The following ALDH1A3 variants were observed in gnomAD, a reference collection of about 807,000 sequenced individuals.
ALDH1A3 encodes the protein retinaldehyde dehydrogenase 3.
In ALDH1A3, 28 loss-of-function variants were observed where a neutral mutation model predicts 57.5. That is an observed-to-expected ratio of 0.49 (90% CI 0.36 to 0.67). The LOEUF is 0.67. ALDH1A3 is among the 30% of genes least tolerant of loss of function. ALDH1A3 has a pLI of 0.00. For synonymous variants in ALDH1A3, 281 were observed against 264.8 expected, an observed-to-expected ratio of 1.06 and a Z score of -0.59; for missense variants, 507 against 669.4, an observed-to-expected ratio of 0.76 and a Z score of 2.68.
At chr15:100,898,341 C>A (rs1021114542) in intron 8 of ALDH1A3, among the ~76,000 whole-genome samples, 156 bp downstream of exon 8, 11 of 152,250 alleles carry the variant, frequency 7.2e-5, no homozygotes, top group African/African-American at 2.2e-4. Flanking sequence ...AGTCAGCCAG[C>A]CGCAGACAGG....
chr15:100,890,528 A>G (rs2041638245), intron 3 of ALDH1A3, among the ~76,000 whole-genome samples: 1 of 152,222 alleles, frequency 6.6e-6, no homozygotes, highest in Non-Finnish European at 1.5e-5. Context: ...GCTGAAGTTG[A>G]CAATAAAAAC....
intron 7 of ALDH1A3, 89 bp from the exon 8 acceptor site, chr15:100,897,994 G>T (rs567451254): frequency 8.5e-6 from 11 of 1,291,158 alleles, no homozygotes; most frequent in East Asian, 4.7e-5. Flanking sequence ...ACTGCCACCC[G>T]GGCTTGATCA....
At position 100,887,590 on chromosome 15, in the gene ALDH1A3, G is replaced by A; in HGVS notation, c.223G>A (p.Val75Met). The part of the protein sequence containing the change: ...EGDKPDVDKA[V>M]EAAQVAFQRG... ...CGCTCAGCCCGACGTGGACAAGGCTGTGGAGGCTGCACAGGTTGCCTTCCA... is the reference window on the plus strand; with the variant it reads ...CGCTCAGCCCGACGTGGACAAGGCTATGGAGGCTGCACAGGTTGCCTTCCA... The change falls in exon 3 of 13, where the codon GTG (valine) becomes ATG (methionine). Residue 75 changes from valine (V) to methionine (M), a missense_variant. Physicochemically the swap from Val to Met is conservative, Grantham distance 21. Coordinates refer to ENST00000329841, the MANE Select transcript of ALDH1A3 (RefSeq NM_000693.4). The surrounding 1 kb of genome is among the most constrained non-coding windows in gnomAD (Gnocchi z 4.6). 1 of 1,608,350 alleles carries A rather than the reference G, an allele frequency of 6.2e-7. No homozygotes were observed. Among genetic ancestry groups the A allele is most frequent in the Non-Finnish European group, 8.5e-7 (1 of 1,176,836 alleles).
chr15:100,886,324 T>C (rs969657327), intron 2 of ALDH1A3, among the ~76,000 whole-genome samples: 4 of 152,200 alleles, frequency 2.6e-5, no homozygotes, highest in African/African-American at 9.6e-5. Flanking sequence ...TGACATGGAA[T>C]GGGGTTTCCA....
intron 2 of ALDH1A3, 79 bp downstream of exon 2, chr15:100,885,450 A>G (rs1023903385): frequency 1.1e-5 from 12 of 1,128,568 alleles, no homozygotes; most frequent in Admixed American, 1.9e-5. Context: ...CGGCTTAGCT[A>G]TAAGACAGAA....
chr15:100,890,215 C>G (rs2041636059), intron 3 of ALDH1A3, among the ~76,000 whole-genome samples: 1 of 152,214 alleles, frequency 6.6e-6, no homozygotes, highest in Non-Finnish European at 1.5e-5. Context: ...TTTCCTGGCA[C>G]TTCCCGTCAT....
chr15:100,911,638 G>T (rs905146036), intron 12 of ALDH1A3, among the ~76,000 whole-genome samples: 1 of 152,218 alleles, frequency 6.6e-6, no homozygotes, highest in Non-Finnish European at 1.5e-5. Context: ...ATTCTGGTGA[G>T]GTTTAACAGG....
Position 100,898,150 on chromosome 15 carries a change from G to T in ALDH1A3, c.848G>T (p.Gly283Val). Residue 283 changes from glycine (G) to valine (V), a missense_variant, in exon 8 of 13, where the codon GGG becomes GTG. By Grantham distance (109) the Gly-to-Val change is moderately radical. Around this residue, in one of 2 missense-constraint regions of ALDH1A3, gnomAD observed 432 missense variants for 608.4 expected, o/e 0.71. Coordinates refer to ENST00000329841, the MANE Select transcript of ALDH1A3 (RefSeq NM_000693.4). ...NLKRVTLELG[G>V]KNPCIVCADA... is the part of the protein sequence containing the mutation. Reference sequence around the variant, plus strand: ...AAGCGGGTGACGCTGGAGCTGGGGGGGAAGAACCCCTGCATCGTGTGTGCG... The same window carrying T: ...AAGCGGGTGACGCTGGAGCTGGGGGTGAAGAACCCCTGCATCGTGTGTGCG... 1.9e-6 allele frequency: 3 copies of T among 1,614,128 alleles called. No homozygotes were observed. The highest frequency in any genetic ancestry group is 1.7e-6 in the Non-Finnish European group (2 of 1,179,984).
rs1375594080 is a variant in ALDH1A3 at position 100,887,635 on chromosome 15, C to T, written c.268C>T (p.Arg90Trp). Reference protein sequence around the residue: ...VAFQRGSPWRRLDALSRGRLL... With the variant: ...VAFQRGSPWRWLDALSRGRLL... ...CTTCCAGAGGGGCTCGCCATGGCGC[C>T]GGCTGGATGCCCTGAGTCGTGGGCG... is the stretch of plus-strand genomic sequence containing the variant. Residue 90 changes from arginine (R) to tryptophan (W), a missense_variant, in exon 3 of 13, where the codon CGG becomes TGG. Arg to Trp is a moderately radical substitution (Grantham distance 101). Around this residue, in one of 2 missense-constraint regions of ALDH1A3, gnomAD observed 432 missense variants for 608.4 expected, o/e 0.71. Coordinates refer to ENST00000329841, the MANE Select transcript of ALDH1A3 (RefSeq NM_000693.4). This position sits in a 1 kb window ranked among gnomAD's most constrained non-coding sequence, Gnocchi z 4.6. 3 of 1,612,034 alleles carry T rather than the reference C, an allele frequency of 1.9e-6. No homozygotes were observed. The highest frequency in any genetic ancestry group is 1.1e-5 in the South Asian group (1 of 90,630).
At chr15:100,897,416 C>G (rs934313237) in intron 7 of ALDH1A3, among the ~76,000 whole-genome samples, 1 of 152,256 alleles carries the variant, frequency 6.6e-6, no homozygotes, top group African/African-American at 2.4e-5. Context: ...GGCCAGCCCT[C>G]CCCTCCAGGG....
At chr15:100,895,541 G>T (rs2041693135) in intron 6 of ALDH1A3, 2 of 191,924 alleles carry the variant, frequency 1.0e-5, no homozygotes, top group South Asian at 3.0e-4. Context: ...TCTGATCAAG[G>T]TACCCCTCTC....
At position 100,907,204 on chromosome 15, in the gene ALDH1A3, C is replaced by G; in HGVS notation, c.1317C>G (p.Leu439=). 6.2e-7 allele frequency: 1 copy of G among 1,614,202 alleles called. No individual in the cohort carries two copies. Among genetic ancestry groups the G allele is most frequent in the Non-Finnish European group, 8.5e-7 (1 of 1,180,030 alleles). ...GAGCGAATAGCACCGACTATGGACTCACAGCAGCCGTGTTCACAAAAAATC... is the reference window on the plus strand; with the variant it reads ...GAGCGAATAGCACCGACTATGGACTGACAGCAGCCGTGTTCACAAAAAATC... ...IKRANSTDYG[L]TAAVFTKNLD... is the part of the protein sequence containing the mutation. The change falls in exon 11 of 13, where the codon CTC becomes CTG. Residue 439 remains leucine (L), a synonymous_variant. Transcript: ENST00000329841.
Position 100,898,144 on chromosome 15 carries a change from T to TG in ALDH1A3, c.849dup (p.Lys284GlufsTer11), listed in dbSNP as rs758955164. On this transcript the variant is annotated frameshift_variant, in exon 8 of 13. Coordinates refer to ENST00000329841, the MANE Select transcript of ALDH1A3 (RefSeq NM_000693.4). LOFTEE classifies it high-confidence loss of function. ...AATCTGAAGCGGGTGACGCTGGAGC[T>TG]GGGGGGGAAGAACCCCTGCATCGTG... 6.2e-6 allele frequency: 10 copies of TG among 1,613,964 alleles called. No individual in the cohort carries two copies. Among genetic ancestry groups the TG allele is most frequent in the Non-Finnish European group, 8.5e-7 (1 of 1,179,932 alleles).
chr15:100,903,341 C>T (rs1216825984), intron 9 of ALDH1A3, among the ~76,000 whole-genome samples: 2 of 152,072 alleles, frequency 1.3e-5, no homozygotes, highest in East Asian at 3.9e-4. Flanking sequence ...TTTATTGTTC[C>T]CTAAAAAAAC....
chr15:100,898,263 A>G (rs1453540872), intron 8 of ALDH1A3, 78 bp downstream of exon 8: 1 of 1,300,648 alleles, frequency 7.7e-7, no homozygotes, highest in East Asian at 2.4e-5. Context: ...GCCTGAATTC[A>G]AAACCAACTG....
At chr15:100,903,661 T>TAAAA (rs2041793481) in intron 9 of ALDH1A3, among the ~76,000 whole-genome samples, 2 of 152,360 alleles carry the variant, frequency 1.3e-5, no homozygotes. Context: ...TTTGTCTGTT[T>TAAAA]CTTTACCCTT....
At chr15:100,908,845 A>C (rs891106384) in intron 12 of ALDH1A3, among the ~76,000 whole-genome samples, 1 of 152,030 alleles carries the variant, frequency 6.6e-6, no homozygotes, top group Non-Finnish European at 1.5e-5. Flanking sequence ...ACAACTCCCC[A>C]CTCACAGCAG....
chr15:100,903,431 C>T (rs1008560652), intron 9 of ALDH1A3, among the ~76,000 whole-genome samples: 16 of 152,196 alleles, frequency 1.1e-4, no homozygotes, highest in Non-Finnish European at 1.0e-4. Context: ...TGGATGAAGC[C>T]ACCAGAATTT....
At chr15:100,890,188 A>C (rs1345449598) in intron 3 of ALDH1A3, among the ~76,000 whole-genome samples, 1 of 152,112 alleles carries the variant, frequency 6.6e-6, no homozygotes, top group African/African-American at 2.4e-5. Context: ...CTCTCGTTGT[A>C]AGCCCTGCCG....
Sources: allele counts gnomAD v4.1 joint callset (sites outside exome capture counted in the v4.1 genomes callset), GRCh38; gene constraint gnomAD v4.1.1; regional missense constraint gnomAD v4.1.1; non-coding constraint Gnocchi (gnomAD v3.1); transcripts MANE v1.5; gene names NCBI Gene and HGNC (gene_info 2026-07-23, HGNC 2026-07-21).